Variants in FOXJ3 observed in about 807,000 individuals in gnomAD.
The protein encoded by FOXJ3 is forkhead box J3, also known as forkhead box protein J3.
In FOXJ3, 22 loss-of-function variants were observed where a neutral mutation model predicts 76.1. The ratio of observed to expected loss-of-function variants is 0.29; its 90% confidence interval spans 0.21 to 0.41. The LOEUF is 0.41. FOXJ3 is among the 10% of genes least tolerant of loss of function. The pLI, the probability that FOXJ3 is intolerant of heterozygous loss-of-function variation, is 1.00. For missense variants in FOXJ3, 613 were observed against 762.1 expected (o/e 0.80, Z 2.30); for synonymous variants, 269 against 261.2 (o/e 1.03, Z -0.29).
At chr1:42,310,063 AG>A (rs1654710034) in intron 2 of FOXJ3, among the ~76,000 whole-genome samples, 1 of 152,172 alleles carries the variant, frequency 6.6e-6, no homozygotes, top group African/African-American at 2.4e-5. Context: ...AATTAAAATC[AG>A]TATCTTCAGT....
rs1428121777 is a variant in FOXJ3, at chr1:42,335,157, G to A, written c.-116C>T. ...GTCCCAACGGTGCCTACTGCGAGCG[G>A]TCGAGGCCCCGAGCAGCCCCGAGAG... is the stretch of plus-strand genomic sequence containing the variant. On this transcript the variant is annotated 5_prime_UTR_variant, in exon 1 of 13. Coordinates refer to ENST00000361346, the MANE Select transcript of FOXJ3 (RefSeq NM_014947.5). 6.6e-6 allele frequency: 1 copy of A among 152,172 alleles called. No homozygotes were observed. The highest frequency in any genetic ancestry group is 1.5e-5 in the Non-Finnish European group (1 of 68,068). 9.4% of individuals were successfully genotyped at this position (152,172 alleles called of 1,614,324 possible).
At chr1:42,277,855 T>C (rs1652402970) in intron 3 of FOXJ3, among the ~76,000 whole-genome samples, 1 of 145,798 alleles carries the variant, frequency 6.9e-6, no homozygotes, top group African/African-American at 2.6e-5. Context: ...CAGGCGTCTA[T>C]AGTCCCAGCT....
chr1:42,311,171 A>C, intron 1 of FOXJ3, 61 bp from the exon 2 acceptor site: 8 of 1,071,026 alleles, frequency 7.5e-6, no homozygotes, highest in Non-Finnish European at 9.7e-6. Flanking sequence ...CATAAGTCTC[A>C]CTTTAGATTT....
chr1:42,236,938 C>A (rs768262405), intron 4 of FOXJ3, among the ~76,000 whole-genome samples: 1 of 152,162 alleles, frequency 6.6e-6, no homozygotes, highest in Non-Finnish European at 1.5e-5. Flanking sequence ...ATTTGCCACC[C>A]ATATATTATC....
chr1:42,180,222 T>C (rs1350915732), intron 12 of FOXJ3, among the ~76,000 whole-genome samples: 12 of 152,196 alleles, frequency 7.9e-5, no homozygotes, highest in African/African-American at 2.9e-4. Context: ...AACAGGATAA[T>C]GATGGCAGTG....
At chr1:42,210,209 G>A (rs532252032) in intron 5 of FOXJ3, among the ~76,000 whole-genome samples, 3 of 152,264 alleles carry the variant, frequency 2.0e-5, no homozygotes, top group East Asian at 1.9e-4. Flanking sequence ...CAACAGCCAC[G>A]GAACTGCCCT....
Position 42,205,795 on chromosome 1 carries a change from A to G in FOXJ3, c.597T>C (p.Ser199=). The change falls in exon 6 of 13, where the codon TCT becomes TCC. Residue 199 remains serine (S), a synonymous_variant. Coordinates refer to ENST00000361346, the MANE Select transcript of FOXJ3 (RefSeq NM_014947.5). ...GMECIISGSA[S]PTLAINTVTN... ...TCACAGTGTTGATTGCCAGAGTTGG[A>G]GAGGCACTTCCCGAAATAATACACT... 6.2e-7 allele frequency: 1 copy of G among 1,610,532 alleles called. No homozygotes were observed. The highest frequency in any genetic ancestry group is 8.5e-7 in the Non-Finnish European group (1 of 1,176,768).
In FOXJ3 at chr1:42,177,208, A is replaced by C. The variant is rs528555464; in HGVS notation, c.*2502T>G. On this transcript the variant is annotated 3_prime_UTR_variant, in exon 13 of 13. Coordinates refer to ENST00000361346, the MANE Select transcript of FOXJ3 (RefSeq NM_014947.5). ...TCCTGGACCACCTGGATCACAGGAG[A>C]GTGGGATGGGTCTGGGTGAAGGCTT... 6.5e-6 allele frequency: 1 copy of C among 152,750 alleles called. No individual in the cohort carries two copies. The highest frequency in any genetic ancestry group is 2.1e-4 in the South Asian group (1 of 4,826). The allele number at this position is 152,750 out of a possible 1,614,324, so 9.5% of individuals were successfully genotyped here.
rs1458899047 is a variant in FOXJ3, at chr1:42,328,696, T to C, written c.-18+6363A>G. On this transcript the variant is annotated intron_variant, in intron 1 of 12. Transcript: ENST00000361346. The stretch of plus-strand genomic sequence containing the variant: ...ATCCTATTTTTTTTTTTTTTTTTTT[T>C]TGAGACAATGTCTTACTCCCTTGCC... Among the ~76,000 whole-genome samples, 60 of 142,472 alleles carry C rather than the reference T, an allele frequency of 4.2e-4. 1 individual carries two copies. The highest frequency in any genetic ancestry group is 1.7e-4 in the Non-Finnish European group (11 of 64,708). The allele number at this position is 142,472 out of a possible 152,430, so 93.5% of individuals were successfully genotyped here. A position where few individuals can be genotyped will look rare whatever the true frequency, so the allele number is the denominator to read the frequency against.
At chr1:42,268,612 G>C (rs1057121988) in intron 3 of FOXJ3, among the ~76,000 whole-genome samples, 4 of 152,102 alleles carry the variant, frequency 2.6e-5, no homozygotes, top group Non-Finnish European at 4.4e-5. Flanking sequence ...ACGGAGTTTG[G>C]AACCATGTAA....
intron 4 of FOXJ3, 147 bp downstream of exon 4, chr1:42,264,968 A>T: frequency 1.4e-6 from 1 of 694,514 alleles, no homozygotes. Context: ...CCCACAGCTT[A>T]AAACTCTCTA....
At chr1:42,309,516 C>T (rs183588017) in intron 2 of FOXJ3, among the ~76,000 whole-genome samples, 12 of 152,290 alleles carry the variant, frequency 7.9e-5, no homozygotes, top group African/African-American at 2.6e-4. Context: ...TTCTCCTTAG[C>T]CCTTTATCAT....
intron 4 of FOXJ3, among the ~76,000 whole-genome samples, chr1:42,235,530 C>T (rs538170220): frequency 4.6e-5 from 7 of 151,782 alleles, no homozygotes; most frequent in East Asian, 3.9e-4. Flanking sequence ...TGTTCCTATT[C>T]GGCCATCTTG....
chr1:42,316,170 G>A (rs1322323615), intron 1 of FOXJ3, among the ~76,000 whole-genome samples: 1 of 151,878 alleles, frequency 6.6e-6, no homozygotes, highest in Non-Finnish European at 1.5e-5. Flanking sequence ...CTCTGAATAA[G>A]TTCGTTTTGT....
chr1:42,284,250 A>G (rs1287730433), intron 2 of FOXJ3, among the ~76,000 whole-genome samples: 1 of 152,230 alleles, frequency 6.6e-6, no homozygotes, highest in Non-Finnish European at 1.5e-5. Flanking sequence ...ATGAGTTAAT[A>G]AATTCCGATA....
At chr1:42,270,041 A>C (rs544195968) in intron 3 of FOXJ3, among the ~76,000 whole-genome samples, 1 of 152,220 alleles carries the variant, frequency 6.6e-6, no homozygotes, top group Non-Finnish European at 1.5e-5. Context: ...TAAGCCCCCA[A>C]AGACTCTTCA....
chr1:42,189,010 A>G, intron 10 of FOXJ3, 82 bp from the exon 11 acceptor site: 1 of 928,068 alleles, frequency 1.1e-6, no homozygotes, highest in Non-Finnish European at 1.6e-6. Flanking sequence ...AATTTTTTTC[A>G]GCTCTCAAAA....
intron 2 of FOXJ3, among the ~76,000 whole-genome samples, chr1:42,285,811 TC>T (rs1653017887): frequency 6.6e-6 from 1 of 152,250 alleles, no homozygotes. Context: ...CTACTGAGTT[TC>T]CCATTATCCT....
intron 4 of FOXJ3, among the ~76,000 whole-genome samples, chr1:42,246,870 A>G (rs1035765109): frequency 7.2e-5 from 11 of 152,188 alleles, no homozygotes; most frequent in Admixed American, 7.2e-4. Flanking sequence ...AAAAGAATGA[A>G]AGCCTGTCAT....
Sources: allele counts gnomAD v4.1 joint callset (sites outside exome capture counted in the v4.1 genomes callset), GRCh38; gene constraint gnomAD v4.1.1; transcripts MANE v1.5; gene names NCBI Gene and HGNC (gene_info 2026-07-23, HGNC 2026-07-21).